Variants in AUTS2 observed in about 807,000 individuals in gnomAD.
AUTS2 encodes activator of transcription and developmental regulator AUTS2.
In AUTS2, 17 loss-of-function variants were observed where a neutral mutation model predicts 112.4. The ratio of observed to expected loss-of-function variants is 0.15; its 90% CI spans 0.10 to 0.23. The LOEUF (loss-of-function observed/expected upper bound fraction) is 0.23. AUTS2 is among the 10% of genes least tolerant of loss of function. The pLI is 1.00. For synonymous variants in AUTS2, 751 were observed against 702.7 expected (o/e 1.07, Z -1.09); for missense variants, 1,510 against 1,701.6 (o/e 0.89, Z 1.98).
intron 2 of AUTS2, among the ~76,000 whole-genome samples, chr7:69,977,084 T>C (rs1221134101): frequency 6.6e-6 from 1 of 152,208 alleles, no homozygotes; most frequent in Admixed American, 6.5e-5. Flanking sequence ...CTTTTATGTC[T>C]TACATTTAGG....
intron 4 of AUTS2, among the ~76,000 whole-genome samples, chr7:70,303,636 T>C (rs939550175): frequency 9.2e-5 from 14 of 152,148 alleles, no homozygotes; most frequent in Admixed American, 8.5e-4. Flanking sequence ...TAGTTTCAGA[T>C]AGAAGACACT....
intron 5 of AUTS2, among the ~76,000 whole-genome samples, chr7:70,448,903 A>G (rs767750307): frequency 1.3e-5 from 2 of 152,210 alleles, no homozygotes; most frequent in Non-Finnish European, 2.9e-5. Context: ...ACATGCTCAC[A>G]TGCTTACAGT....
rs117171402 is a variant in AUTS2 at position 70,767,761 on chromosome 7, A to G, written c.1690-263A>G. ...CTGTTTAGAGGTTTGGTTCGTGCCAATCTGTAGAAAGAAAATAGTAGGAAG... is the reference window on the plus strand; with the variant it reads ...CTGTTTAGAGGTTTGGTTCGTGCCAGTCTGTAGAAAGAAAATAGTAGGAAG... On this transcript the variant is annotated intron_variant, in intron 9 of 18. Coordinates refer to ENST00000342771, the MANE Select transcript of AUTS2 (RefSeq NM_015570.4). Among the ~76,000 whole-genome samples the G allele has an allele frequency of 0.044, 6,704 of 152,298 alleles. 193 individuals carry two copies. The highest frequency in any genetic ancestry group is 0.065 in the Non-Finnish European group (4,443 of 68,026).
intron 4 of AUTS2, among the ~76,000 whole-genome samples, chr7:70,374,725 T>A (rs753768082): frequency 6.6e-6 from 1 of 152,202 alleles, no homozygotes; most frequent in Non-Finnish European, 1.5e-5. Context: ...TTAAGGTTGG[T>A]CAGTTTGAGA....
chr7:70,283,001 G>T (rs1788293151), intron 4 of AUTS2, among the ~76,000 whole-genome samples: 1 of 152,168 alleles, frequency 6.6e-6, no homozygotes, highest in Non-Finnish European at 1.5e-5. Context: ...GACAGAATAT[G>T]AATTTTTTAT....
At chr7:69,927,815 C>T (rs1194011430) in intron 2 of AUTS2, among the ~76,000 whole-genome samples, 1 of 152,206 alleles carries the variant, frequency 6.6e-6, no homozygotes, top group African/African-American at 2.4e-5. Flanking sequence ...ACTGTGGGCA[C>T]CAATGTCTCT....
intron 1 of AUTS2, among the ~76,000 whole-genome samples, chr7:69,890,756 C>T (rs574239919): frequency 4.7e-4 from 71 of 151,842 alleles, no homozygotes; most frequent in Non-Finnish European, 8.5e-4. Flanking sequence ...CCAGGCAGTG[C>T]TCCTCAGTCA....
chr7:70,047,447 G>A (rs1313622248), intron 2 of AUTS2, among the ~76,000 whole-genome samples: 1 of 152,094 alleles, frequency 6.6e-6, no homozygotes, highest in Non-Finnish European at 1.5e-5. Flanking sequence ...TGTTTTTACT[G>A]CCACTTTGCC....
At chr7:69,875,874 A>G (rs1193098493) in intron 1 of AUTS2, among the ~76,000 whole-genome samples, 1 of 152,158 alleles carries the variant, frequency 6.6e-6, no homozygotes, top group Admixed American at 6.6e-5. Flanking sequence ...TAATATTCTT[A>G]TAGTAGCGTC....
intron 2 of AUTS2, among the ~76,000 whole-genome samples, chr7:70,001,779 C>T (rs1799207935): frequency 6.8e-6 from 1 of 147,968 alleles, no homozygotes; most frequent in African/African-American, 2.5e-5. Flanking sequence ...GGCCTGATCT[C>T]TGTTCACTGC....
At chr7:70,643,373 C>T (rs971609351) in intron 5 of AUTS2, among the ~76,000 whole-genome samples, 1 of 152,198 alleles carries the variant, frequency 6.6e-6, no homozygotes, top group African/African-American at 2.4e-5. Flanking sequence ...GAGATCGAGA[C>T]CATCCTGGCC....
chr7:70,255,678 T>C (rs747726252), intron 4 of AUTS2, among the ~76,000 whole-genome samples: 123 of 152,186 alleles, frequency 8.1e-4, no homozygotes, highest in Non-Finnish European at 1.4e-3. Flanking sequence ...TTTTTTTCTT[T>C]GTTGTTATGT....
intron 1 of AUTS2, among the ~76,000 whole-genome samples, chr7:69,717,630 T>C (rs1584125284): frequency 6.6e-6 from 1 of 152,218 alleles, no homozygotes; most frequent in African/African-American, 2.4e-5. Context: ...TCAGGGTTTC[T>C]ATTGTTTGGG....
At chr7:70,386,949 G>A (rs535436512) in intron 4 of AUTS2, among the ~76,000 whole-genome samples, 1 of 152,198 alleles carries the variant, frequency 6.6e-6, no homozygotes, top group South Asian at 2.1e-4. Flanking sequence ...ATAACCAAGT[G>A]TTCACCCTTT....
chr7:69,633,934 C>G (rs1333376584), intron 1 of AUTS2, among the ~76,000 whole-genome samples: 1 of 151,918 alleles, frequency 6.6e-6, no homozygotes, highest in Non-Finnish European at 1.5e-5. Flanking sequence ...GTGCAGAAGC[C>G]TTTTAGTTTG....
chr7:70,712,998 A>G (rs1026307637), intron 6 of AUTS2, among the ~76,000 whole-genome samples: 1 of 152,160 alleles, frequency 6.6e-6, no homozygotes, highest in Non-Finnish European at 1.5e-5. Flanking sequence ...TCCACTCTCT[A>G]TAGCCTTGTG....
At chr7:70,491,592 TG>T in intron 5 of AUTS2, among the ~76,000 whole-genome samples, 1 of 65,766 alleles carries the variant, frequency 1.5e-5, no homozygotes, top group African/African-American at 6.5e-5. Flanking sequence ...ATATATATTG[TG>T]TGTGTGTGTG....
intron 14 of AUTS2, among the ~76,000 whole-genome samples, chr7:70,779,965 T>C (rs1197004666): frequency 6.6e-6 from 1 of 151,470 alleles, no homozygotes; most frequent in Non-Finnish European, 1.5e-5. Flanking sequence ...CAGTGAACTA[T>C]GATTGTGCCA....
chr7:69,650,769 G>T lies in AUTS2; in HGVS notation c.309+50807G>T, dbSNP rs77155915. On this transcript the variant is annotated intron_variant, in intron 1 of 18. Coordinates refer to ENST00000342771, the MANE Select transcript of AUTS2 (RefSeq NM_015570.4). Reference sequence around the variant, plus strand: ...CTTTTTAAAATGCTCCTGCAGTAATGAACTGCTTATTGCTCCCTGTGCATG... The same window carrying T: ...CTTTTTAAAATGCTCCTGCAGTAATTAACTGCTTATTGCTCCCTGTGCATG... 1.9e-3 allele frequency among the ~76,000 whole-genome samples: 282 copies of T among 152,280 alleles called. 3 individuals are homozygous for T. The highest frequency in any genetic ancestry group is 6.6e-3 in the African/African-American group (275 of 41,560).
Sources: gnomAD v4.1 joint callset for allele counts (sites outside exome capture counted in the v4.1 genomes callset) on GRCh38, gnomAD v4.1.1 for gene constraint, MANE v1.5 for transcripts, NCBI Gene and HGNC (gene_info 2026-07-23, HGNC 2026-07-21) for gene names.